The following ABI3BP variants were observed in gnomAD, a reference collection of about 807,000 sequenced individuals.
ABI3BP encodes target of Nesh-SH3.
Under a neutral mutation model 268.6 loss-of-function variants are expected in ABI3BP, and 216 were observed. The observed-to-expected ratio is 0.80, with a 90% CI of 0.72 to 0.90. The LOEUF (loss-of-function observed/expected upper bound fraction) is 0.90, where lower values mean the gene tolerates loss of function less well. Among genes scored for constraint, ABI3BP ranks in the 40% least tolerant of loss-of-function variants. ABI3BP has a pLI of 0.00. For synonymous variants in ABI3BP, 730 were observed against 730.0 expected, an observed-to-expected ratio of 1.00 and a Z score of 0.00; for missense variants, 2,090 against 2,182.4, an observed-to-expected ratio of 0.96 and a Z score of 0.84.
intron 21 of ABI3BP, among the ~76,000 whole-genome samples, chr3:100,841,220 T>TTTTTTGTTTTTTTG (rs2098695754): frequency 2.1e-4 from 25 of 119,584 alleles, no homozygotes; most frequent in South Asian, 8.5e-4. Context: ...TTTTTTTTTT[T>TTTTTTGTTTTTTTG]TTTTTTTGCT....
intron 33 of ABI3BP, 36 bp downstream of exon 33, chr3:100,829,545 C>A (rs995313551): frequency 2.7e-6 from 4 of 1,505,758 alleles, no homozygotes; most frequent in Non-Finnish European, 3.6e-6. Context: ...CTGGGGTGGG[C>A]TGTTAGGATT....
intron 20 of ABI3BP, among the ~76,000 whole-genome samples, chr3:100,845,863 AG>A (rs1414224485): frequency 1.3e-5 from 2 of 150,024 alleles, no homozygotes; most frequent in African/African-American, 4.9e-5. Flanking sequence ...TTTTTTTTAA[AG>A]GAAAACACCA....
At chr3:100,950,797 AT>A (rs1175279372) in intron 1 of ABI3BP, among the ~76,000 whole-genome samples, 2 of 151,914 alleles carry the variant, frequency 1.3e-5, no homozygotes, top group Non-Finnish European at 2.9e-5. Context: ...AAGGGCTCTA[AT>A]CATCATATGC....
At chr3:100,976,492 C>T (rs982142921) in intron 1 of ABI3BP, among the ~76,000 whole-genome samples, 9 of 152,140 alleles carry the variant, frequency 5.9e-5, no homozygotes, top group African/African-American at 2.2e-4. Context: ...TTGTAGTATC[C>T]TGTTTGGTTT....
At chr3:100,988,759 A>T (rs535173060) in intron 1 of ABI3BP, among the ~76,000 whole-genome samples, 43 of 152,286 alleles carry the variant, frequency 2.8e-4, no homozygotes, top group African/African-American at 9.6e-4. Context: ...TTGTCTCCCC[A>T]GCCTCAGTGC....
At chr3:100,899,122 T>G (rs2048992609) in intron 3 of ABI3BP, among the ~76,000 whole-genome samples, 1 of 152,244 alleles carries the variant, frequency 6.6e-6, no homozygotes, top group Admixed American at 6.5e-5. Flanking sequence ...TATGCATATA[T>G]GCATACACAT....
chr3:100,755,670 A>ATAAATATTCATAAAATATTCAT (rs1432407661), intron 63 of ABI3BP, among the ~76,000 whole-genome samples: 5 of 152,240 alleles, frequency 3.3e-5, no homozygotes, highest in Admixed American at 3.3e-4. Flanking sequence ...TAAAATATGT[A>ATAAATATTCATAAAATATTCAT]AGCAAAGCAA....
chr3:100,825,916 T>A lies in ABI3BP; in HGVS notation c.2603-72A>T. ...GCTATAGTATTCACATCAAAACGTA[T>A]CTTGCTTGTGTAACACTGCCTCTAG... On this transcript the variant is annotated intron_variant, in intron 34 of 67. Coordinates refer to ENST00000471714, the MANE Select transcript of ABI3BP (RefSeq NM_001375547.2). 9 of 1,131,916 alleles carry A rather than the reference T, an allele frequency of 8.0e-6. No individual in the cohort carries two copies. In the Middle Eastern group the frequency reaches 1.8e-3, roughly 230 times the overall value. The allele number at this position is 1,131,916 out of a possible 1,614,324, so 70.1% of individuals were successfully genotyped here.
chr3:100,778,231 G>T, intron 59 of ABI3BP, 53 bp downstream of exon 59: 1 of 1,544,750 alleles, frequency 6.5e-7, no homozygotes, highest in Non-Finnish European at 8.9e-7. Context: ...AGCTTATGTT[G>T]GCTAGTAAAA....
intron 1 of ABI3BP, among the ~76,000 whole-genome samples, chr3:100,938,283 C>A (rs569934126): frequency 1.3e-5 from 2 of 148,440 alleles, no homozygotes; most frequent in East Asian, 4.1e-4. Flanking sequence ...TGCACATGTA[C>A]CCCTGAACCT....
intron 1 of ABI3BP, among the ~76,000 whole-genome samples, chr3:100,930,406 T>C (rs779169365): frequency 6.6e-5 from 10 of 151,994 alleles, no homozygotes. Flanking sequence ...GGATCTACGA[T>C]GGTGGTTTCT....
chr3:100,966,601 G>A (rs950954568), intron 1 of ABI3BP, among the ~76,000 whole-genome samples: 2 of 152,182 alleles, frequency 1.3e-5, no homozygotes. Context: ...CAAATGAGAA[G>A]TTAAGGTGGT....
At chr3:100,829,228 T>C (rs1302702003) in intron 33 of ABI3BP, among the ~76,000 whole-genome samples, 1 of 152,078 alleles carries the variant, frequency 6.6e-6, no homozygotes, top group Non-Finnish European at 1.5e-5. Context: ...TCTGGCTCTG[T>C]CTAGAAAATG....
chr3:100,807,904 T>C (rs984191488), intron 50 of ABI3BP, among the ~76,000 whole-genome samples: 2 of 152,020 alleles, frequency 1.3e-5, no homozygotes, highest in African/African-American at 4.8e-5. Context: ...GGCTATTCTT[T>C]TTAAGCAATG....
intron 1 of ABI3BP, among the ~76,000 whole-genome samples, chr3:100,963,608 C>T (rs542837600): frequency 4.6e-5 from 7 of 152,250 alleles, no homozygotes; most frequent in East Asian, 1.9e-4. Context: ...TCCCAGATGG[C>T]GACTAATAAT....
intron 1 of ABI3BP, among the ~76,000 whole-genome samples, chr3:100,978,394 T>A (rs2087399529): frequency 6.6e-6 from 1 of 152,192 alleles, no homozygotes; most frequent in South Asian, 2.1e-4. Flanking sequence ...TTTTCTTGAA[T>A]TTGGGTTACA....
chr3:100,902,791 C>T (rs544131236), intron 2 of ABI3BP, 105 bp from the exon 3 acceptor site: 20 of 903,246 alleles, frequency 2.2e-5, no homozygotes, highest in South Asian at 2.0e-4. Context: ...CCTCCATAAC[C>T]GCAGCTCCAG....
intron 1 of ABI3BP, among the ~76,000 whole-genome samples, chr3:100,943,892 A>G (rs1295381656): frequency 6.6e-6 from 1 of 152,124 alleles, no homozygotes; most frequent in Non-Finnish European, 1.5e-5. Context: ...GTGAAATTAT[A>G]TATGTATATT....
intron 14 of ABI3BP, among the ~76,000 whole-genome samples, chr3:100,855,155 T>A (rs1393664100): frequency 6.6e-6 from 1 of 152,224 alleles, no homozygotes; most frequent in Non-Finnish European, 1.5e-5. Context: ...TTCAAACTCC[T>A]GACCTTGTGA....
Sources: gnomAD v4.1 joint callset for allele counts (sites outside exome capture counted in the v4.1 genomes callset) on GRCh38, gnomAD v4.1.1 for gene constraint, MANE v1.5 for transcripts, NCBI Gene and HGNC (gene_info 2026-07-23, HGNC 2026-07-21) for gene names.